Variants in PTPRD observed in about 807,000 individuals in gnomAD.
PTPRD encodes protein tyrosine phosphatase receptor type D.
Under a neutral mutation model 214.5 loss-of-function variants are expected in PTPRD, and 34 were observed. The observed-to-expected ratio is 0.16, with a 90% CI of 0.12 to 0.21. The LOEUF (loss-of-function observed/expected upper bound fraction) is 0.21, where lower values mean the gene tolerates loss of function less well. Among genes scored for constraint, PTPRD ranks in the 10% least tolerant of loss-of-function variants. The pLI is 1.00. For synonymous variants in PTPRD, 1,128 were observed against 845.7 expected (o/e 1.33, Z -5.79); for missense variants, 2,545 against 2,398.7 (o/e 1.06, Z -1.27).
At chr9:10,247,056 A>T (rs916080833) in intron 3 of PTPRD, among the ~76,000 whole-genome samples, 1 of 152,178 alleles carries the variant, frequency 6.6e-6, no homozygotes, top group African/African-American at 2.4e-5. Context: ...GTCAAAGAGA[A>T]AAAATCTTCA....
At chr9:9,266,545 A>G (rs1594827864) in intron 9 of PTPRD, among the ~76,000 whole-genome samples, 1 of 151,334 alleles carries the variant, frequency 6.6e-6, no homozygotes, top group East Asian at 2.0e-4. Flanking sequence ...AATTATATCA[A>G]GCATCTTCAC....
intron 4 of PTPRD, among the ~76,000 whole-genome samples, chr9:10,013,596 T>A (rs1394231252): frequency 2.0e-5 from 3 of 151,466 alleles, no homozygotes; most frequent in Admixed American, 6.6e-5. Flanking sequence ...AAAAAAAAAA[T>A]TTCAACACAG....
At chr9:9,468,285 TAA>T (rs1180935938) in intron 8 of PTPRD, among the ~76,000 whole-genome samples, 2 of 152,060 alleles carry the variant, frequency 1.3e-5, no homozygotes, top group African/African-American at 4.8e-5. Flanking sequence ...AAAATGTTGG[TAA>T]AAGTTTATAA....
At chr9:8,763,591 A>G (rs1291298455) in intron 11 of PTPRD, among the ~76,000 whole-genome samples, 2 of 151,380 alleles carry the variant, frequency 1.3e-5, no homozygotes, top group African/African-American at 2.4e-5. Context: ...ACATAACACT[A>G]TAATGCATTG....
At chr9:10,052,351 C>CA (rs1303392931) in intron 3 of PTPRD, among the ~76,000 whole-genome samples, 1 of 152,096 alleles carries the variant, frequency 6.6e-6, no homozygotes, top group Non-Finnish European at 1.5e-5. Context: ...TGCTTAGTGG[C>CA]AAACTCCCAA....
intron 7 of PTPRD, among the ~76,000 whole-genome samples, chr9:9,727,277 C>T (rs1302509497): frequency 6.6e-6 from 1 of 151,952 alleles, no homozygotes; most frequent in Non-Finnish European, 1.5e-5. Context: ...TACTGAAACC[C>T]CATTTCTACT....
chr9:9,620,239 C>T (rs2095162385), intron 7 of PTPRD, among the ~76,000 whole-genome samples: 1 of 152,088 alleles, frequency 6.6e-6, no homozygotes, highest in African/African-American at 2.4e-5. Context: ...AAGAAAAGTG[C>T]ACACATTTCA....
intron 8 of PTPRD, among the ~76,000 whole-genome samples, chr9:9,492,115 C>G (rs1198530092): frequency 6.6e-6 from 1 of 151,800 alleles, no homozygotes; most frequent in Admixed American, 6.6e-5. Flanking sequence ...CTATGAGCAA[C>G]TGTATGCCAA....
intron 2 of PTPRD, among the ~76,000 whole-genome samples, chr9:10,463,931 TATAA>T (rs1336108087): frequency 2.6e-5 from 4 of 152,104 alleles, no homozygotes; most frequent in African/African-American, 7.2e-5. Context: ...AAAATAGAAT[TATAA>T]ATAAATAAGA....
intron 7 of PTPRD, among the ~76,000 whole-genome samples, chr9:9,586,966 G>C (rs1252206074): frequency 6.6e-6 from 1 of 151,920 alleles, no homozygotes; most frequent in Non-Finnish European, 1.5e-5. Context: ...ATACTGGAGA[G>C]CATAAGTCAT....
At chr9:10,266,623 A>G (rs1251587709) in intron 3 of PTPRD, among the ~76,000 whole-genome samples, 1 of 152,194 alleles carries the variant, frequency 6.6e-6, no homozygotes, top group Non-Finnish European at 1.5e-5. Context: ...TGGGGTATGG[A>G]AAGTGGATAG....
intron 10 of PTPRD, among the ~76,000 whole-genome samples, chr9:9,133,783 G>T (rs1164201415): frequency 1.3e-5 from 2 of 152,136 alleles, no homozygotes; most frequent in African/African-American, 4.8e-5. Context: ...CAGGGCTTTA[G>T]GGAACAGGGG....
At chr9:8,373,607 ATGCGGGTG>A (rs1440437574) in intron 39 of PTPRD, among the ~76,000 whole-genome samples, 1 of 139,754 alleles carries the variant, frequency 7.2e-6, no homozygotes, top group Non-Finnish European at 1.5e-5. Flanking sequence ...CATAACATGG[ATGCGGGTG>A]TGTGTGTGTG....
At chr9:9,405,775 A>G (rs2073060630) in intron 8 of PTPRD, among the ~76,000 whole-genome samples, 2 of 152,028 alleles carry the variant, frequency 1.3e-5, no homozygotes, top group African/African-American at 4.8e-5. Flanking sequence ...TTCCCCCATT[A>G]TCATCATTGT....
chr9:9,374,347 A>T (rs1225480891), intron 9 of PTPRD, among the ~76,000 whole-genome samples: 1 of 152,124 alleles, frequency 6.6e-6, no homozygotes, highest in Non-Finnish European at 1.5e-5. Context: ...TAAATTTTTA[A>T]AACAGGAACA....
intron 9 of PTPRD, among the ~76,000 whole-genome samples, chr9:9,321,531 G>A (rs1237012777): frequency 7.5e-6 from 1 of 133,834 alleles, no homozygotes; most frequent in Non-Finnish European, 1.5e-5. Flanking sequence ...CCCCAGCCTG[G>A]GCAACAAGAG....
chr9:8,336,011 A>T (rs1253562154), intron 43 of PTPRD, among the ~76,000 whole-genome samples: 1 of 152,054 alleles, frequency 6.6e-6, no homozygotes, highest in Non-Finnish European at 1.5e-5. Flanking sequence ...AAGAATCAAT[A>T]TCGTGAAAAT....
intron 7 of PTPRD, among the ~76,000 whole-genome samples, chr9:9,616,233 G>A (rs2094851650): frequency 6.6e-6 from 1 of 152,054 alleles, no homozygotes; most frequent in Non-Finnish European, 1.5e-5. Context: ...TTTTTTATAA[G>A]TATATCCCAA....
chr9:9,733,162 A>G (rs2098228930), intron 7 of PTPRD, among the ~76,000 whole-genome samples: 1 of 152,204 alleles, frequency 6.6e-6, no homozygotes, highest in Non-Finnish European at 1.5e-5. Context: ...TTATGACAGA[A>G]CATTTTAATG....
Sources: gnomAD v4.1 joint callset for allele counts (sites outside exome capture counted in the v4.1 genomes callset) on GRCh38, gnomAD v4.1.1 for gene constraint, MANE v1.5 for transcripts, NCBI Gene and HGNC (gene_info 2026-07-23, HGNC 2026-07-21) for gene names.